Variants in KIAA1328 observed in about 807,000 individuals in gnomAD.
KIAA1328 encodes KIAA1328.
KIAA1328 carries 52 observed loss-of-function variants against 68.1 expected under a neutral mutation model. The observed-to-expected ratio is 0.76, with a 90% CI of 0.61 to 0.96. The LOEUF (loss-of-function observed/expected upper bound fraction) is 0.96. Among genes scored for constraint, KIAA1328 ranks in the 40% least tolerant of loss-of-function variants. The probability of loss-of-function intolerance (pLI) is 0.00; values close to 1 mark genes in which losing one functional copy is unlikely to be tolerated. For missense variants in KIAA1328, 641 were observed against 677.6 expected, an observed-to-expected ratio of 0.95 and a Z score of 0.60; for synonymous variants, 232 against 239.4, an observed-to-expected ratio of 0.97 and a Z score of 0.28.
At chr18:36,901,324 A>G (rs2151032117) in intron 5 of KIAA1328, among the ~76,000 whole-genome samples, 1 of 152,106 alleles carries the variant, frequency 6.6e-6, no homozygotes, top group Non-Finnish European at 1.5e-5. Context: ...TTGGTGGGGG[A>G]GGCATGTCAA....
chr18:36,838,779 G>T (rs2046761509), intron 3 of KIAA1328, among the ~76,000 whole-genome samples: 1 of 152,018 alleles, frequency 6.6e-6, no homozygotes, highest in South Asian at 2.1e-4. Flanking sequence ...GTGTCGCCCA[G>T]GCTAGAGTGC....
intron 6 of KIAA1328, among the ~76,000 whole-genome samples, chr18:37,057,819 C>T (rs2055979767): frequency 6.6e-6 from 1 of 152,112 alleles, no homozygotes; most frequent in Admixed American, 6.6e-5. Context: ...ATCTCTCTTG[C>T]TTTTGCACTA....
chr18:37,186,870 C>T (rs2059813085), intron 9 of KIAA1328, among the ~76,000 whole-genome samples: 1 of 152,022 alleles, frequency 6.6e-6, no homozygotes, highest in Non-Finnish European at 1.5e-5. Context: ...ATGACTATTA[C>T]TGAGATTAAA....
chr18:36,899,339 C>T (rs180791677), intron 5 of KIAA1328, among the ~76,000 whole-genome samples: 308 of 151,868 alleles, frequency 2.0e-3, no homozygotes, highest in Middle Eastern at 6.8e-3. Flanking sequence ...AATACACTAC[C>T]TTATGCTCAG....
chr18:37,116,458 A>G (rs2058110193), intron 7 of KIAA1328, among the ~76,000 whole-genome samples: 1 of 152,124 alleles, frequency 6.6e-6, no homozygotes, highest in Admixed American at 6.5e-5. Flanking sequence ...GGCTAGCCAT[A>G]TGTAGAAAGC....
intron 6 of KIAA1328, among the ~76,000 whole-genome samples, chr18:37,027,740 T>G (rs1321301437): frequency 6.6e-6 from 1 of 152,088 alleles, no homozygotes; most frequent in Non-Finnish European, 1.5e-5. Flanking sequence ...AAGACTTACA[T>G]GTTAGACCTA....
At chr18:37,107,787 T>C (rs1441862935) in intron 7 of KIAA1328, among the ~76,000 whole-genome samples, 4 of 152,044 alleles carry the variant, frequency 2.6e-5, no homozygotes, top group Admixed American at 6.5e-5. Context: ...TTTCTAGTTA[T>C]AGAATCATCA....
intron 7 of KIAA1328, among the ~76,000 whole-genome samples, chr18:37,106,795 G>A (rs2586780): frequency 0.27 from 40,572 of 152,026 alleles, 8,513 homozygotes; most frequent in African/African-American, 0.59. Context: ...CCTGTGTTTC[G>A]TATTGTTCAA....
intron 6 of KIAA1328, among the ~76,000 whole-genome samples, chr18:36,995,228 A>G (rs1245022557): frequency 6.6e-6 from 1 of 152,090 alleles, no homozygotes; most frequent in Non-Finnish European, 1.5e-5. Context: ...TGATCTTGTG[A>G]TAGTTTGCTG....
Position 36,990,706 on chromosome 18 carries a change from A to G in KIAA1328, c.576+31271A>G, listed in dbSNP as rs576848434. 1.6e-4 allele frequency among the ~76,000 whole-genome samples: 24 copies of G among 151,474 alleles called. No individual in the cohort carries two copies. The South Asian group carries it at 5.0e-3, about 32-fold the overall frequency. Reference sequence around the variant, plus strand: ...TATATATATATTTGTGTTTTTTTCTAATTTTCTTCTATTACAGAGAATACA... The same window carrying G: ...TATATATATATTTGTGTTTTTTTCTGATTTTCTTCTATTACAGAGAATACA... On this transcript the variant is annotated intron_variant, in intron 6 of 9. Transcript: ENST00000280020.
At chr18:37,039,423 T>G (rs2151616008) in intron 6 of KIAA1328, among the ~76,000 whole-genome samples, 1 of 152,196 alleles carries the variant, frequency 6.6e-6, no homozygotes. Flanking sequence ...TTTTTAATTT[T>G]TTTTTTTTGA....
chr18:37,067,504 A>G lies in KIAA1328; in HGVS notation c.1191A>G (p.Leu397=). The G allele has an allele frequency of 1.3e-6, 2 of 1,542,632 alleles. No individual in the cohort carries two copies. Among genetic ancestry groups the G allele is most frequent in the Non-Finnish European group, 1.7e-6 (2 of 1,147,046 alleles). The change falls in exon 7 of 10, where the codon CTA becomes CTG. Residue 397 remains leucine (L), a synonymous_variant. Transcript: ENST00000280020. ...LLAQQETKLL[L]KQQQLHQSRL... is the part of the protein sequence containing the mutation. ...CCCAGCAGGAGACAAAGCTTCTTCTAAAACAGCAGCAGCTTCACCAGTCTC... is the reference window on the plus strand; with the variant it reads ...CCCAGCAGGAGACAAAGCTTCTTCTGAAACAGCAGCAGCTTCACCAGTCTC...
At chr18:37,171,274 T>G (rs2059494097) in intron 8 of KIAA1328, among the ~76,000 whole-genome samples, 1 of 152,130 alleles carries the variant, frequency 6.6e-6, no homozygotes, top group African/African-American at 2.4e-5. Context: ...TGCAGTAGTA[T>G]GACCATAGCT....
intron 6 of KIAA1328, among the ~76,000 whole-genome samples, chr18:36,981,449 A>G (rs1220947681): frequency 6.6e-6 from 1 of 152,218 alleles, no homozygotes; most frequent in Non-Finnish European, 1.5e-5. Context: ...TGCAATCCCC[A>G]TACAGGAGAA....
chr18:37,117,688 A>G (rs1158734946), intron 7 of KIAA1328, among the ~76,000 whole-genome samples: 2 of 152,078 alleles, frequency 1.3e-5, no homozygotes, highest in Non-Finnish European at 2.9e-5. Context: ...AGATGATACA[A>G]CTATCCTGTA....
chr18:36,917,537 A>G (rs1331399117), intron 5 of KIAA1328, among the ~76,000 whole-genome samples: 1 of 152,070 alleles, frequency 6.6e-6, no homozygotes, highest in Non-Finnish European at 1.5e-5. Context: ...AGAGTTTTGA[A>G]CTTTGTTTTG....
intron 6 of KIAA1328, among the ~76,000 whole-genome samples, chr18:37,063,334 T>TG (rs1214837940): frequency 3.3e-5 from 5 of 152,030 alleles, no homozygotes; most frequent in African/African-American, 9.6e-5. Context: ...TTATGTGGGG[T>TG]GGGGGATGAG....
At chr18:36,917,900 C>T (rs763231564) in intron 5 of KIAA1328, among the ~76,000 whole-genome samples, 1 of 152,118 alleles carries the variant, frequency 6.6e-6, no homozygotes, top group Non-Finnish European at 1.5e-5. Context: ...CTGTCAGTCC[C>T]TTCTAGTTGG....
At chr18:37,019,683 C>T (rs551523170) in intron 6 of KIAA1328, among the ~76,000 whole-genome samples, 38 of 152,318 alleles carry the variant, frequency 2.5e-4, no homozygotes, top group African/African-American at 8.4e-4. Flanking sequence ...TCCACCTGGG[C>T]GTGGAACAGA....
Sources: allele counts gnomAD v4.1 joint callset (sites outside exome capture counted in the v4.1 genomes callset), GRCh38; gene constraint gnomAD v4.1.1; transcripts MANE v1.5; gene names NCBI Gene and HGNC (gene_info 2026-07-23, HGNC 2026-07-21).